The following BTD variants were observed in gnomAD, a reference collection of about 807,000 sequenced individuals.
BTD encodes the protein biotinidase, also known as biocytinase.
BTD carries 13 observed loss-of-function variants against 17.7 expected under a neutral mutation model. The observed-to-expected ratio is 0.74, with a 90% CI of 0.48 to 1.17. The LOEUF is 1.17. Among genes scored for constraint, BTD ranks in the 50% most tolerant of loss-of-function variants. The pLI is 0.00. For missense variants in BTD, 674 were observed against 650.4 expected (o/e 1.04, Z -0.39); for synonymous variants, 240 against 245.2 (o/e 0.98, Z 0.20).
downstream of BTD, among the ~76,000 whole-genome samples, chr3:15,655,762 C>T (rs987154550): frequency 9.2e-5 from 14 of 152,148 alleles, no homozygotes; most frequent in African/African-American, 2.7e-4. Flanking sequence ...AAATAAGAAA[C>T]GAAACAGTAT....
chr3:15,684,373 T>C (rs1045915946), intron 3 of BTD: 18 of 152,234 alleles, frequency 1.2e-4, no homozygotes, highest in African/African-American at 4.1e-4. Context: ...AAATCTCTTT[T>C]AACCATGTAG....
intron 3 of BTD, among the ~76,000 whole-genome samples, chr3:15,662,117 C>G (rs952129472): frequency 6.6e-6 from 1 of 152,146 alleles, no homozygotes; most frequent in Non-Finnish European, 1.5e-5. Flanking sequence ...TGGCTTTTGC[C>G]TCTCCATATA....
intron 3 of BTD, among the ~76,000 whole-genome samples, chr3:15,694,988 C>T (rs1462482399): frequency 6.6e-6 from 1 of 152,130 alleles, no homozygotes; most frequent in East Asian, 1.9e-4. Flanking sequence ...TGAAGACAGG[C>T]ATAAGAGTTT....
intron 2 of BTD, among the ~76,000 whole-genome samples, chr3:15,640,129 C>CT (rs1391639444): frequency 6.6e-6 from 1 of 152,140 alleles, no homozygotes. Context: ...ACTTAAAACT[C>CT]TAATTTTTAT....
chr3:15,694,775 T>C, intron 3 of BTD: 2 of 1,613,576 alleles, frequency 1.2e-6, no homozygotes, highest in Non-Finnish European at 1.7e-6. Context: ...CTCTATTATC[T>C]GAATCACTCA....
At position 15,711,555 on chromosome 3, in the gene BTD, T is replaced by C. The variant is rs547706810; in HGVS notation, c.*1481T>C. On this transcript the variant is annotated 3_prime_UTR_variant, in exon 4 of 4. Transcript: ENST00000672141. The stretch of plus-strand genomic sequence containing the variant: ...AAGATCACATGTTGGGTGAGTCCAT[T>C]TATAGGAACTGTTCAGAACAGGCAA... 6.6e-5 allele frequency among the ~76,000 whole-genome samples: 10 copies of C among 152,244 alleles called. No individual in the cohort carries two copies. In the East Asian group the frequency reaches 1.9e-3, roughly 29 times the overall value.
chr3:15,709,831 G>T, intron 3 of BTD: 1 of 695,320 alleles, frequency 1.4e-6, no homozygotes, highest in Non-Finnish European at 2.4e-6. Context: ...GTTTTTATAT[G>T]AAGATAAATG....
intron 1 of BTD, among the ~76,000 whole-genome samples, chr3:15,634,076 G>A (rs2065282678): frequency 6.6e-6 from 1 of 152,168 alleles, no homozygotes; most frequent in Non-Finnish European, 1.5e-5. Flanking sequence ...TGGGGTGGGA[G>A]AATACTTCTC....
chr3:15,700,076 T>A (rs1343008382), intron 3 of BTD, among the ~76,000 whole-genome samples: 2 of 152,324 alleles, frequency 1.3e-5, no homozygotes, highest in Middle Eastern at 6.8e-3. Flanking sequence ...TGAGTTCATG[T>A]CCTTTGCAGG....
At chr3:15,603,527 G>A (rs1047082397) in intron 1 of BTD, among the ~76,000 whole-genome samples, 2 of 152,080 alleles carry the variant, frequency 1.3e-5, no homozygotes, top group Non-Finnish European at 2.9e-5. Context: ...CATGGTGGCA[G>A]GCGCCTGTAA....
rs1160884811 is a variant in BTD, at chr3:15,644,513, A to G, written c.597A>G (p.Ala199=). The change falls in exon 4 of 4, where the codon GCA becomes GCG. Residue 199 remains alanine (A), a synonymous_variant. Coordinates refer to ENST00000643237, the MANE Select transcript of BTD (RefSeq NM_001370658.1). ...GTAAACACAACCTCTACTTTGAGGC[A>G]GCATTCGATGTTCCTCTTAAAGTGG... The part of the protein sequence containing the change: ...RYRKHNLYFE[A]AFDVPLKVDL... 14 of 1,614,054 alleles carry G rather than the reference A, an allele frequency of 8.7e-6. No individual in the cohort carries two copies. Among genetic ancestry groups the G allele is most frequent in the Non-Finnish European group, 1.1e-5 (13 of 1,180,040 alleles).
chr3:15,719,110 A>C (rs1016352660), intron 4 of BTD, among the ~76,000 whole-genome samples: 1 of 152,198 alleles, frequency 6.6e-6, no homozygotes, highest in Non-Finnish European at 1.5e-5. Context: ...AGCTCTAATC[A>C]TATTAGGGCA....
chr3:15,624,533 T>A (rs2065023618), intron 1 of BTD, among the ~76,000 whole-genome samples: 1 of 152,218 alleles, frequency 6.6e-6, no homozygotes, highest in Non-Finnish European at 1.5e-5. Context: ...TTTCTGTTAG[T>A]GTTTTTTAAT....
At chr3:15,628,305 ATGT>A (rs1027556999) in intron 1 of BTD, among the ~76,000 whole-genome samples, 1 of 152,238 alleles carries the variant, frequency 6.6e-6, no homozygotes, top group African/African-American at 2.4e-5. Flanking sequence ...ACATCTAGAG[ATGT>A]TGTGTGCACT....
downstream of BTD, among the ~76,000 whole-genome samples, chr3:15,657,140 GA>G (rs1415082506): frequency 1.3e-5 from 2 of 152,202 alleles, no homozygotes; most frequent in Non-Finnish European, 2.9e-5. Context: ...GGTATTATAA[GA>G]GACAGGAAGA....
intron 3 of BTD, among the ~76,000 whole-genome samples, chr3:15,704,161 G>A (rs1218792844): frequency 1.3e-5 from 2 of 151,954 alleles, no homozygotes; most frequent in Admixed American, 6.6e-5. Context: ...TGTTCATTGC[G>A]ATAGCAGCCA....
chr3:15,713,647 A>G (rs1575330438), downstream of BTD: 4 of 1,581,608 alleles, frequency 2.5e-6, no homozygotes, highest in African/African-American at 2.7e-5. Context: ...AGCTCCTGCA[A>G]TATAGGACTT....
intron 3 of BTD, among the ~76,000 whole-genome samples, chr3:15,664,028 A>C (rs1208955852): frequency 6.6e-6 from 1 of 152,164 alleles, no homozygotes; most frequent in Non-Finnish European, 1.5e-5. Flanking sequence ...CAGCCTCCCA[A>C]GTAGCTGGAA....
chr3:15,662,419 G>C (rs939407635), intron 3 of BTD, among the ~76,000 whole-genome samples: 3 of 152,130 alleles, frequency 2.0e-5, no homozygotes, highest in Non-Finnish European at 2.9e-5. Flanking sequence ...TTCACTGCTG[G>C]CATATGAGAA....
Sources: gnomAD v4.1 joint callset for allele counts (sites outside exome capture counted in the v4.1 genomes callset) on GRCh38, gnomAD v4.1.1 for gene constraint, MANE v1.5 for transcripts, NCBI Gene and HGNC (gene_info 2026-07-23, HGNC 2026-07-21) for gene names.